UTS2: variants seen among roughly 807,000 people sequenced by gnomAD.
The protein encoded by UTS2 is urotensin-2.
UTS2 carries 10 observed loss-of-function variants against 12.6 expected under a neutral mutation model. The ratio of observed to expected loss-of-function variants is 0.80; its 90% CI spans 0.49 to 1.35. UTS2 has a LOEUF of 1.35. Ranked by LOEUF, UTS2 falls within the 40% of genes most tolerant of loss-of-function variation. The probability of loss-of-function intolerance (pLI) is 0.00; values close to 1 mark genes in which losing one functional copy is unlikely to be tolerated. For missense variants in UTS2, 142 were observed against 143.2 expected (o/e 0.99, Z 0.04); for synonymous variants, 52 against 50.0 (o/e 1.04, Z -0.17).
At chr1:7,878,452 C>A in the UTS2 span, among the ~76,000 whole-genome samples, 5 of 152,106 alleles carry the variant, frequency 3.3e-5, no homozygotes, top group African/African-American at 4.8e-5. Context: ...GAGAAAGGAA[C>A]AAAGGATACT....
the UTS2 span, among the ~76,000 whole-genome samples, chr1:7,912,935 A>C: frequency 6.8e-6 from 1 of 147,520 alleles, no homozygotes; most frequent in Non-Finnish European, 1.5e-5. Flanking sequence ...TCCTTTTCTC[A>C]TTCCCCTGGT....
At chr1:7,859,179 G>A in the UTS2 span, among the ~76,000 whole-genome samples, 2 of 152,090 alleles carry the variant, frequency 1.3e-5, no homozygotes, top group Non-Finnish European at 2.9e-5. Flanking sequence ...GACATCATCG[G>A]GGTCCATTCT....
upstream of UTS2, chr1:7,853,251 G>A: frequency 6.2e-7 from 1 of 1,606,888 alleles, no homozygotes; most frequent in East Asian, 2.2e-5. Context: ...AGTGTACAAA[G>A]TAGGTATTAT....
the UTS2 span, among the ~76,000 whole-genome samples, chr1:7,869,992 G>A: frequency 6.6e-6 from 1 of 152,208 alleles, no homozygotes; most frequent in Non-Finnish European, 1.5e-5. Flanking sequence ...TCCGTGTGAT[G>A]GTTCAGTGGG....
chr1:7,886,959 T>G, the UTS2 span, among the ~76,000 whole-genome samples: 3 of 140,998 alleles, frequency 2.1e-5, no homozygotes, highest in Non-Finnish European at 4.5e-5. Flanking sequence ...GAGAATTGCT[T>G]GAACCTGAGA....
chr1:7,898,264 G>T, the UTS2 span, among the ~76,000 whole-genome samples: 1 of 152,034 alleles, frequency 6.6e-6, no homozygotes, highest in East Asian at 1.9e-4. Context: ...GTGGAGGCAG[G>T]GGAATTCCCA....
At chr1:7,855,853 C>G (rs962573732), upstream of UTS2, among the ~76,000 whole-genome samples, 5 of 151,524 alleles carry the variant, frequency 3.3e-5, no homozygotes, top group South Asian at 1.0e-3. Context: ...CACATGCCAC[C>G]ACGCTCAGCT....
At chr1:7,908,988 G>T in the UTS2 span, among the ~76,000 whole-genome samples, 2 of 151,976 alleles carry the variant, frequency 1.3e-5, no homozygotes, top group African/African-American at 4.8e-5. Context: ...TGTATTTTTA[G>T]TAGAGACTGG....
the UTS2 span, among the ~76,000 whole-genome samples, chr1:7,887,806 A>G: frequency 4.6e-5 from 7 of 152,096 alleles, no homozygotes; most frequent in African/African-American, 1.4e-4. Context: ...ATGCAGCGAT[A>G]AATGTATCTG....
Position 7,850,926 on chromosome 1 carries a change from C to A in UTS2, c.104-4G>T. ...AAGCGCGCGTCTTCATGAGGTGCTACAGAGTAAAAACAGATACTTAGAATT... is the reference window on the plus strand; with the variant it reads ...AAGCGCGCGTCTTCATGAGGTGCTAAAGAGTAAAAACAGATACTTAGAATT... On this transcript the variant is annotated splice_region_variant and splice_polypyrimidine_tract_variant and intron_variant, in intron 1 of 3. Transcript: ENST00000361696. 1 of 1,613,926 alleles carries A rather than the reference C, an allele frequency of 6.2e-7. No homozygotes were observed. Among genetic ancestry groups the A allele is most frequent in the Non-Finnish European group, 8.5e-7 (1 of 1,179,936 alleles).
At chr1:7,903,014 CCCCTCCTTCCCCTCCTCCCCTCCT>C in the UTS2 span, among the ~76,000 whole-genome samples, 1 of 98,208 alleles carries the variant, frequency 1.0e-5, no homozygotes. Flanking sequence ...CTTCCCTCTT[CCCCTCCTTCCCCTCCTCCCCTCCT>C]TCCCCTCCTT....
upstream of UTS2, among the ~76,000 whole-genome samples, chr1:7,856,398 C>G (rs951349396): frequency 6.6e-6 from 1 of 152,182 alleles, no homozygotes; most frequent in African/African-American, 2.4e-5. Context: ...TGATTTCAGA[C>G]AGGGCCCTCG....
chr1:7,859,681 G>A, the UTS2 span, among the ~76,000 whole-genome samples: 6 of 152,316 alleles, frequency 3.9e-5, no homozygotes, highest in East Asian at 1.9e-4. Context: ...TGACCATATC[G>A]AGGAATTCGG....
At chr1:7,863,441 G>A in the UTS2 span, among the ~76,000 whole-genome samples, 119,503 of 152,104 alleles carry the variant, frequency 0.79, 48,446 homozygotes, top group South Asian at 0.87. Context: ...GCAGCCTGCC[G>A]TCTTTTACCC....
the UTS2 span, among the ~76,000 whole-genome samples, chr1:7,881,781 C>T: frequency 6.6e-6 from 1 of 152,108 alleles, no homozygotes; most frequent in Non-Finnish European, 1.5e-5. Context: ...AAAAAGCAGC[C>T]CTAAAATTCG....
chr1:7,903,610 G>A, the UTS2 span, among the ~76,000 whole-genome samples: 117 of 151,980 alleles, frequency 7.7e-4, no homozygotes, highest in African/African-American at 2.7e-3. Context: ...GGCTGGTCTC[G>A]AACTCCTGGA....
At chr1:7,882,909 A>C in the UTS2 span, among the ~76,000 whole-genome samples, 1 of 152,234 alleles carries the variant, frequency 6.6e-6, no homozygotes, top group African/African-American at 2.4e-5. Context: ...AAGACAAAAA[A>C]ATAAATGCAG....
At chr1:7,904,877 T>A in the UTS2 span, among the ~76,000 whole-genome samples, 1 of 132,368 alleles carries the variant, frequency 7.6e-6, no homozygotes. Context: ...GGACTCCAGC[T>A]TGGGTGACAG....
At chr1:7,875,971 G>C in the UTS2 span, among the ~76,000 whole-genome samples, 6 of 152,118 alleles carry the variant, frequency 3.9e-5, no homozygotes, top group African/African-American at 1.4e-4. Flanking sequence ...TACCACCACT[G>C]CTGGTACCCA....
Sources: gnomAD v4.1 joint callset for allele counts (sites outside exome capture counted in the v4.1 genomes callset) on GRCh38, gnomAD v4.1.1 for gene constraint, MANE v1.5 for transcripts, NCBI Gene and HGNC (gene_info 2026-07-23, HGNC 2026-07-21) for gene names.